LAMA2: variants seen among roughly 807,000 people sequenced by gnomAD.
LAMA2 encodes laminin subunit alpha-2.
A neutral mutation model predicts 364.8 loss-of-function variants in LAMA2; 269 were observed. That is an observed-to-expected ratio of 0.74 (90% CI 0.67 to 0.82). The LOEUF is 0.82. LAMA2 is among the 40% of genes least tolerant of loss of function. LAMA2 has a pLI of 0.00. For missense variants in LAMA2, 3,807 were observed against 3,873.2 expected, an observed-to-expected ratio of 0.98 and a Z score of 0.45; for synonymous variants, 1,379 against 1,370.6, an observed-to-expected ratio of 1.01 and a Z score of -0.14.
At chr6:129,078,388 G>C (rs1419414737) in intron 3 of LAMA2, among the ~76,000 whole-genome samples, 1 of 152,016 alleles carries the variant, frequency 6.6e-6, no homozygotes, top group Non-Finnish European at 1.5e-5. Flanking sequence ...GCCCATGTCA[G>C]CCTCCCAAAG....
intron 1 of LAMA2, among the ~76,000 whole-genome samples, chr6:128,935,478 G>A (rs535595560): frequency 6.6e-6 from 1 of 152,010 alleles, no homozygotes; most frequent in African/African-American, 2.4e-5. Context: ...TGGACATTTG[G>A]GTTGGTTCCA....
At chr6:129,292,525 A>G (rs1312695647) in intron 20 of LAMA2, among the ~76,000 whole-genome samples, 1 of 152,240 alleles carries the variant, frequency 6.6e-6, no homozygotes, top group African/African-American at 2.4e-5. Flanking sequence ...TTCAATTAAA[A>G]TACAGCATGT....
At chr6:129,198,008 C>T (rs1486122650) in intron 12 of LAMA2, among the ~76,000 whole-genome samples, 4 of 151,754 alleles carry the variant, frequency 2.6e-5, no homozygotes, top group Non-Finnish European at 4.4e-5. Context: ...GTTTATAATT[C>T]GTCAACTGAA....
intron 8 of LAMA2, chr6:129,158,715 G>A: frequency 6.2e-7 from 1 of 1,614,168 alleles, no homozygotes; most frequent in South Asian, 1.1e-5. Flanking sequence ...GGGCATGTGG[G>A]TTGCAAATAC....
intron 1 of LAMA2, among the ~76,000 whole-genome samples, chr6:129,008,976 G>A (rs1359452118): frequency 6.6e-6 from 1 of 152,154 alleles, no homozygotes; most frequent in African/African-American, 2.4e-5. Context: ...AGATAGAAAT[G>A]ACTGATTTTA....
rs747555665 is a variant in LAMA2, at chr6:129,280,133, A to T, written c.2523A>T (p.Gly841=). 2 of 1,608,712 alleles carry T rather than the reference A, an allele frequency of 1.2e-6. No individual in the cohort carries two copies. The stretch of plus-strand genomic sequence containing the variant: ...ATGGATGCCCTGTCGGGTACACAGG[A>T]CCACGCTGTGAGAGGTAAGAGTATA... The part of the protein sequence containing the change: ...ICDGCPVGYT[G]PRCERCAEGY... Residue 841 remains glycine, a synonymous_variant, in exon 18 of 65, where the codon GGA becomes GGT. Transcript: ENST00000421865.
At chr6:129,423,384 C>T (rs1781174005) in intron 40 of LAMA2, among the ~76,000 whole-genome samples, 1 of 151,850 alleles carries the variant, frequency 6.6e-6, no homozygotes, top group Non-Finnish European at 1.5e-5. Flanking sequence ...TGTTTTTATT[C>T]ACAGATACTA....
intron 1 of LAMA2, among the ~76,000 whole-genome samples, chr6:128,970,529 G>A (rs946901047): frequency 6.6e-5 from 10 of 152,068 alleles, no homozygotes; most frequent in East Asian, 3.8e-4. Flanking sequence ...TGGTTCAAAC[G>A]TTCAACAGAT....
At chr6:129,367,058 A>G (rs1777816568) in intron 33 of LAMA2, among the ~76,000 whole-genome samples, 2 of 152,230 alleles carry the variant, frequency 1.3e-5, no homozygotes, top group South Asian at 2.1e-4. Flanking sequence ...CAAAATGAAA[A>G]CACATGATTA....
At chr6:129,128,624 A>C (rs1419184012) in intron 4 of LAMA2, among the ~76,000 whole-genome samples, 2 of 152,348 alleles carry the variant, frequency 1.3e-5, no homozygotes, top group South Asian at 4.1e-4. Flanking sequence ...CTTCCAATCC[A>C]TGAACACAGG....
At chr6:129,393,536 T>C (rs1779440257) in intron 37 of LAMA2, among the ~76,000 whole-genome samples, 1 of 152,222 alleles carries the variant, frequency 6.6e-6, no homozygotes, top group African/African-American at 2.4e-5. Flanking sequence ...AGAAGTTCTT[T>C]ACAGGGAGTC....
rs542659526 is a variant in LAMA2, at chr6:129,332,517, T to C, written c.4311+4105T>C. 4.5e-4 allele frequency among the ~76,000 whole-genome samples: 69 copies of C among 152,296 alleles called. 1 individual carries two copies. In the South Asian group the frequency reaches 0.014, roughly 32 times the overall value. On this transcript the variant is annotated intron_variant, in intron 29 of 64. Transcript: ENST00000421865. ...CACTATTTTAATCTCTTCCACAAATTTTAATTACAATCAAAATTACTGGAA... is the reference window on the plus strand; with the variant it reads ...CACTATTTTAATCTCTTCCACAAATCTTAATTACAATCAAAATTACTGGAA...
intron 37 of LAMA2, among the ~76,000 whole-genome samples, chr6:129,394,932 C>G (rs1779523447): frequency 6.6e-6 from 1 of 152,138 alleles, no homozygotes; most frequent in Non-Finnish European, 1.5e-5. Context: ...CCACGTTTAA[C>G]TAAAGACTTG....
chr6:129,155,972 A>G (rs1309958894), intron 8 of LAMA2, among the ~76,000 whole-genome samples: 2 of 152,000 alleles, frequency 1.3e-5, no homozygotes, highest in Non-Finnish European at 2.9e-5. Flanking sequence ...TGGTCAAAGA[A>G]TATAAAATTT....
rs78349307 is a variant in LAMA2 at position 129,091,780 on chromosome 6, A to G, written c.397-6393A>G. Among the ~76,000 whole-genome samples the G allele has an allele frequency of 5.2e-3, 785 of 152,364 alleles. 6 individuals carry two copies. Among genetic ancestry groups the G allele is most frequent in the Middle Eastern group, 0.014 (4 of 294 alleles). On this transcript the variant is annotated intron_variant, in intron 3 of 64. Transcript: ENST00000421865. Reference sequence around the variant, plus strand: ...GGGACATAAAACTCACACAGAAAATAATAATTAGACATATTTCCACATTAA... The same window carrying G: ...GGGACATAAAACTCACACAGAAAATGATAATTAGACATATTTCCACATTAA...
intron 1 of LAMA2, among the ~76,000 whole-genome samples, chr6:128,949,128 T>G (rs1311901679): frequency 6.6e-6 from 1 of 152,184 alleles, no homozygotes; most frequent in Non-Finnish European, 1.5e-5. Flanking sequence ...TAAGTCTAAT[T>G]TTAATATCAT....
At chr6:129,300,171 G>A (rs1242552087) in intron 21 of LAMA2, among the ~76,000 whole-genome samples, 4 of 152,056 alleles carry the variant, frequency 2.6e-5, no homozygotes, top group East Asian at 1.9e-4. Context: ...AATAAAAATC[G>A]AAAGTATCTT....
At chr6:129,414,747 A>T (rs1385018443) in intron 40 of LAMA2, among the ~76,000 whole-genome samples, 1 of 152,300 alleles carries the variant, frequency 6.6e-6, no homozygotes, top group African/African-American at 2.4e-5. Flanking sequence ...ACATGTTTTA[A>T]TTTCTTTTAA....
chr6:129,104,471 T>C (rs1304371732), intron 4 of LAMA2, among the ~76,000 whole-genome samples: 1 of 152,236 alleles, frequency 6.6e-6, no homozygotes, highest in African/African-American at 2.4e-5. Flanking sequence ...TAAAGTTTAT[T>C]ACATTTCCAC....
Sources: gnomAD v4.1 joint callset for allele counts (sites outside exome capture counted in the v4.1 genomes callset) on GRCh38, gnomAD v4.1.1 for gene constraint, MANE v1.5 for transcripts, NCBI Gene and HGNC (gene_info 2026-07-23, HGNC 2026-07-21) for gene names.